The following PSD3 variants were observed in gnomAD, a reference collection of about 807,000 sequenced individuals.
PSD3 encodes PH and SEC7 domain-containing protein 3.
PSD3 carries 49 observed loss-of-function variants against 105.5 expected under a neutral mutation model. That is an observed-to-expected ratio of 0.46 (90% CI 0.37 to 0.59). PSD3 has a LOEUF of 0.59. Ranked by LOEUF, PSD3 falls within the 20% of genes least tolerant of loss-of-function variation. PSD3 has a pLI of 0.00. For synonymous variants in PSD3, 557 were observed against 457.8 expected, an observed-to-expected ratio of 1.22 and a Z score of -2.77; for missense variants, 1,561 against 1,263.8, an observed-to-expected ratio of 1.24 and a Z score of -3.57.
intron 9 of PSD3, among the ~76,000 whole-genome samples, chr8:18,727,441 T>A (rs1585745784): frequency 6.9e-6 from 1 of 145,534 alleles, no homozygotes; most frequent in Non-Finnish European, 1.5e-5. Context: ...GCCTGGGAGG[T>A]GGAGGCTGCA....
chr8:18,952,607 G>A (rs1194657339), intron 1 of PSD3, among the ~76,000 whole-genome samples: 3 of 152,128 alleles, frequency 2.0e-5, no homozygotes, highest in Non-Finnish European at 4.4e-5. Context: ...AAGAACAAAT[G>A]AATTAAATAT....
intron 8 of PSD3, among the ~76,000 whole-genome samples, chr8:18,782,618 AG>A (rs1293529996): frequency 6.6e-6 from 1 of 152,208 alleles, no homozygotes; most frequent in African/African-American, 2.4e-5. Flanking sequence ...TGGTAAAAGC[AG>A]GTCAGGAGGA....
intron 12 of PSD3, among the ~76,000 whole-genome samples, chr8:18,593,739 G>A (rs1390451023): frequency 6.6e-6 from 1 of 152,028 alleles, no homozygotes; most frequent in Non-Finnish European, 1.5e-5. Flanking sequence ...GTCCATCAGT[G>A]ATAGACTGGA....
chr8:18,711,115 C>T (rs1371875726), intron 9 of PSD3, among the ~76,000 whole-genome samples: 1 of 152,150 alleles, frequency 6.6e-6, no homozygotes, highest in African/African-American at 2.4e-5. Context: ...ACCAGACCTG[C>T]CTTGCAAGAA....
At chr8:18,943,305 A>T (rs73202176) in intron 1 of PSD3, among the ~76,000 whole-genome samples, 34,526 of 152,192 alleles carry the variant, frequency 0.23, 4,248 homozygotes, top group Middle Eastern at 0.41. Flanking sequence ...AAAAAGTTTT[A>T]AAAAATCACT....
At chr8:18,786,127 C>T (rs907760934) in intron 8 of PSD3, among the ~76,000 whole-genome samples, 3 of 152,112 alleles carry the variant, frequency 2.0e-5, no homozygotes, top group African/African-American at 7.2e-5. Context: ...TGACGTGAAC[C>T]CGGGAGGTGG....
intron 4 of PSD3, among the ~76,000 whole-genome samples, chr8:18,814,892 C>T (rs781583677): frequency 6.6e-6 from 1 of 152,288 alleles, no homozygotes; most frequent in African/African-American, 2.4e-5. Flanking sequence ...ACATCAGAAG[C>T]TGGGCAGCAA....
At chr8:18,732,266 T>C (rs1803815145) in intron 9 of PSD3, among the ~76,000 whole-genome samples, 1 of 152,106 alleles carries the variant, frequency 6.6e-6, no homozygotes, top group African/African-American at 2.4e-5. Context: ...TGATTGTAGA[T>C]GGACATACGG....
intron 9 of PSD3, among the ~76,000 whole-genome samples, chr8:18,748,583 C>A (rs1208549704): frequency 6.7e-6 from 1 of 148,320 alleles, no homozygotes; most frequent in African/African-American, 2.5e-5. Context: ...TGGCGTGAAC[C>A]TGGGATGCAG....
chr8:19,004,995 T>C (rs1826604861), intron 1 of PSD3, among the ~76,000 whole-genome samples: 1 of 151,950 alleles, frequency 6.6e-6, no homozygotes, highest in African/African-American at 2.4e-5. Context: ...TTGCCCAGTC[T>C]CAGGAACGTC....
chr8:18,562,531 C>A (rs1979597), intron 14 of PSD3, among the ~76,000 whole-genome samples: 84,055 of 151,910 alleles, frequency 0.55, 23,477 homozygotes, highest in Non-Finnish European at 0.61. Context: ...GTCTCCTCTG[C>A]TATAGCTCTC....
intron 9 of PSD3, chr8:18,762,735 T>C (rs1245377769): frequency 5.9e-6 from 2 of 337,782 alleles, no homozygotes; most frequent in Non-Finnish European, 1.1e-5. Context: ...CAATACAGTA[T>C]AAGGCAAATT....
chr8:18,685,380 C>A, intron 9 of PSD3, among the ~76,000 whole-genome samples: 1 of 152,070 alleles, frequency 6.6e-6, no homozygotes, highest in East Asian at 1.9e-4. Flanking sequence ...TTTGTTGCAT[C>A]CTCATGACAG....
At chr8:18,916,377 C>CACACACACACACA (rs1407415995) in intron 2 of PSD3, among the ~76,000 whole-genome samples, 4 of 42,516 alleles carry the variant, frequency 9.4e-5, no homozygotes, top group Admixed American at 2.1e-4. Flanking sequence ...CACACACACA[C>CACACACACACACA]AAACAGAATA....
At chr8:18,720,670 A>G (rs1802908906) in intron 9 of PSD3, among the ~76,000 whole-genome samples, 1 of 152,178 alleles carries the variant, frequency 6.6e-6, no homozygotes, top group Admixed American at 6.5e-5. Context: ...AGTGTTTAGT[A>G]CAAACCCATC....
At chr8:18,817,269 A>G (rs1042025381) in intron 4 of PSD3, among the ~76,000 whole-genome samples, 2 of 152,230 alleles carry the variant, frequency 1.3e-5, no homozygotes, top group African/African-American at 4.8e-5. Flanking sequence ...TACTTTAGAC[A>G]CATGTTAGCT....
At chr8:19,029,881 A>G (rs138168758) in intron 1 of PSD3, among the ~76,000 whole-genome samples, 389 of 152,300 alleles carry the variant, frequency 2.6e-3, no homozygotes, top group Admixed American at 5.5e-3. Context: ...AAACTCACTT[A>G]TTAGTTCTAC....
chr8:18,974,729 T>C (rs1282633059), intron 1 of PSD3, among the ~76,000 whole-genome samples: 5 of 149,890 alleles, frequency 3.3e-5, no homozygotes, highest in Non-Finnish European at 7.4e-5. Context: ...GAGGGTTGAG[T>C]GCTGTTTCAG....
chr8:18,775,082 C>G (rs1003445121), intron 8 of PSD3: 1 of 403,130 alleles, frequency 2.5e-6, no homozygotes, highest in Non-Finnish European at 5.0e-6. Flanking sequence ...CTTTTTAAGC[C>G]CCCCCAAGTT....
Sources: gnomAD v4.1 joint callset for allele counts (sites outside exome capture counted in the v4.1 genomes callset) on GRCh38, gnomAD v4.1.1 for gene constraint, MANE v1.5 for transcripts, NCBI Gene and HGNC (gene_info 2026-07-23, HGNC 2026-07-21) for gene names.